Variants in MDGA2 observed in about 807,000 individuals in gnomAD.
MDGA2 encodes the protein MAM domain containing glycosylphosphatidylinositol anchor 2, also known as MAM domain-containing glycosylphosphatidylinositol anchor protein 2.
MDGA2 carries 40 observed loss-of-function variants against 117.8 expected under a neutral mutation model. That is an observed-to-expected ratio of 0.34 (90% CI 0.26 to 0.44). The LOEUF is 0.44. Ranked by LOEUF, MDGA2 falls within the 20% of genes least tolerant of loss-of-function variation. MDGA2 has a pLI of 1.00. For missense variants in MDGA2, 1,123 were observed against 1,250.6 expected (o/e 0.90, Z 1.54); for synonymous variants, 452 against 439.0 (o/e 1.03, Z -0.37).
intron 16 of MDGA2, among the ~76,000 whole-genome samples, chr14:46,842,914 T>C (rs939723222): frequency 3.3e-5 from 5 of 152,224 alleles, no homozygotes; most frequent in Non-Finnish European, 5.9e-5. Flanking sequence ...ATTCATTTAA[T>C]AATCATCAAT....
intron 1 of MDGA2, among the ~76,000 whole-genome samples, chr14:47,654,909 T>C (rs999953023): frequency 2.6e-5 from 4 of 152,068 alleles, no homozygotes; most frequent in Admixed American, 2.6e-4. Context: ...AGGAATATAA[T>C]GTTGGATAAG....
At chr14:47,538,515 GTTA>G (rs1895270312) in intron 1 of MDGA2, among the ~76,000 whole-genome samples, 1 of 152,130 alleles carries the variant, frequency 6.6e-6, no homozygotes, top group Admixed American at 6.5e-5. Flanking sequence ...GAGATTTCGT[GTTA>G]TATACAAAGA....
intron 8 of MDGA2, chr14:46,997,280 C>T (rs1887330052): frequency 6.6e-6 from 1 of 152,562 alleles, no homozygotes. Context: ...CAGTTGACTT[C>T]TAAGAAGTAG....
intron 1 of MDGA2, among the ~76,000 whole-genome samples, chr14:47,565,131 A>C: frequency 6.6e-6 from 1 of 152,168 alleles, no homozygotes; most frequent in Admixed American, 6.5e-5. Flanking sequence ...ATTTCAGCCT[A>C]GTTAAGAACC....
At chr14:46,995,558 T>C (rs1566565191) in intron 8 of MDGA2, among the ~76,000 whole-genome samples, 1 of 152,134 alleles carries the variant, frequency 6.6e-6, no homozygotes, top group Non-Finnish European at 1.5e-5. Context: ...ACCATTGCTT[T>C]TTTTTTGACT....
chr14:47,445,300 G>C (rs1034228681), intron 1 of MDGA2, among the ~76,000 whole-genome samples: 1 of 152,160 alleles, frequency 6.6e-6, no homozygotes, highest in Non-Finnish European at 1.5e-5. Flanking sequence ...AAACACACTT[G>C]AAACAGCAGC....
chr14:47,098,540 A>T (rs191446432), intron 5 of MDGA2, among the ~76,000 whole-genome samples: 51 of 151,622 alleles, frequency 3.4e-4, no homozygotes, highest in Non-Finnish European at 5.5e-4. Flanking sequence ...GGTGAAAAAA[A>T]CCTCAAAGAG....
intron 10 of MDGA2, among the ~76,000 whole-genome samples, chr14:46,902,833 T>C (rs980815545): frequency 6.6e-6 from 1 of 152,234 alleles, no homozygotes; most frequent in African/African-American, 2.4e-5. Flanking sequence ...GTGACAATGC[T>C]TCATTTGCTA....
intron 1 of MDGA2, among the ~76,000 whole-genome samples, chr14:47,612,225 T>TAGATAGAC (rs1316227105): frequency 1.9e-4 from 29 of 151,730 alleles, no homozygotes; most frequent in African/African-American, 6.3e-4. Context: ...GATAGATAGA[T>TAGATAGAC]AGATAGATAG....
chr14:47,399,649 G>A (rs926011467), intron 1 of MDGA2, among the ~76,000 whole-genome samples: 15 of 149,224 alleles, frequency 1.0e-4, no homozygotes, highest in Non-Finnish European at 3.0e-5. Context: ...GAATAAATGC[G>A]TATAAGAATA....
chr14:47,650,653 C>G (rs1181752642), intron 1 of MDGA2, among the ~76,000 whole-genome samples: 3 of 152,174 alleles, frequency 2.0e-5, no homozygotes, highest in Non-Finnish European at 4.4e-5. Flanking sequence ...GAGATAGAGT[C>G]TGGCCACCTG....
At chr14:47,391,117 A>G (rs909745692) in intron 1 of MDGA2, among the ~76,000 whole-genome samples, 2 of 152,188 alleles carry the variant, frequency 1.3e-5, no homozygotes, top group Non-Finnish European at 2.9e-5. Context: ...CTTGGCAGAC[A>G]CATAATAACC....
chr14:47,579,306 C>G (rs1290245624), intron 1 of MDGA2, among the ~76,000 whole-genome samples: 1 of 151,896 alleles, frequency 6.6e-6, no homozygotes, highest in Non-Finnish European at 1.5e-5. Context: ...TATTATTCAT[C>G]CACTTATTCT....
intron 16 of MDGA2, among the ~76,000 whole-genome samples, chr14:46,842,249 A>C (rs1296598892): frequency 6.6e-6 from 1 of 152,188 alleles, no homozygotes; most frequent in Non-Finnish European, 1.5e-5. Flanking sequence ...TTGAATTGAT[A>C]TAATATGCTA....
chr14:47,101,521 G>A (rs73248013), intron 5 of MDGA2, among the ~76,000 whole-genome samples: 1 of 152,136 alleles, frequency 6.6e-6, no homozygotes, highest in African/African-American at 2.4e-5. Flanking sequence ...TGAGGTCACT[G>A]AGTGTGGCTG....
intron 3 of MDGA2, among the ~76,000 whole-genome samples, chr14:47,149,319 T>C (rs1883072940): frequency 6.6e-6 from 1 of 151,986 alleles, no homozygotes; most frequent in Admixed American, 6.6e-5. Context: ...AAAAAATAAG[T>C]GTGCCTCCTT....
intron 1 of MDGA2, among the ~76,000 whole-genome samples, chr14:47,465,272 G>A (rs1893577705): frequency 6.6e-6 from 1 of 152,040 alleles, no homozygotes; most frequent in South Asian, 2.1e-4. Context: ...ATAGAAACAG[G>A]CAAAGATTTC....
intron 3 of MDGA2, among the ~76,000 whole-genome samples, chr14:47,212,218 A>G (rs1338057358): frequency 6.6e-6 from 1 of 152,152 alleles, no homozygotes; most frequent in Non-Finnish European, 1.5e-5. Flanking sequence ...TATAGGAGAT[A>G]ATATGTTTTT....
chr14:47,268,242 T>G (rs975882658), intron 2 of MDGA2, among the ~76,000 whole-genome samples: 2 of 151,952 alleles, frequency 1.3e-5, no homozygotes, highest in Non-Finnish European at 2.9e-5. Flanking sequence ...CTGGCTAATT[T>G]TTTTGTATTT....
Sources: gnomAD v4.1 joint callset for allele counts (sites outside exome capture counted in the v4.1 genomes callset) on GRCh38, gnomAD v4.1.1 for gene constraint, MANE v1.5 for transcripts, NCBI Gene and HGNC (gene_info 2026-07-23, HGNC 2026-07-21) for gene names.